The following CMC1 variants were observed in gnomAD, a reference collection of about 807,000 sequenced individuals.
The protein encoded by CMC1 is C-X9-C motif containing 1.
Under a neutral mutation model 14.1 loss-of-function variants are expected in CMC1, and 14 were observed. The observed-to-expected ratio is 0.99, with a 90% CI of 0.66 to 1.55. CMC1 has a LOEUF of 1.55. Among genes scored for constraint, CMC1 ranks in the 40% most tolerant of loss-of-function variants. The probability of loss-of-function intolerance (pLI) is 0.00; values close to 1 mark genes in which losing one functional copy is unlikely to be tolerated. For synonymous variants in CMC1, 50 were observed against 38.4 expected (o/e 1.30, Z -1.12); for missense variants, 127 against 123.8 (o/e 1.03, Z -0.12).
At chr3:28,264,953 G>A (rs1033446721) in intron 2 of CMC1, among the ~76,000 whole-genome samples, 31 of 152,036 alleles carry the variant, frequency 2.0e-4, no homozygotes, top group Admixed American at 2.0e-3. Flanking sequence ...GTATGACTTT[G>A]AGTTTTATTT....
intron 2 of CMC1, among the ~76,000 whole-genome samples, chr3:28,265,721 G>C (rs1463921044): frequency 6.6e-6 from 1 of 152,046 alleles, no homozygotes; most frequent in Non-Finnish European, 1.5e-5. Context: ...CATGGACAAA[G>C]AGAAATGAAA....
chr3:28,289,713 A>G (rs1388276129), intron 2 of CMC1, among the ~76,000 whole-genome samples: 2 of 152,104 alleles, frequency 1.3e-5, no homozygotes, highest in African/African-American at 4.8e-5. Flanking sequence ...ACTCTACTTC[A>G]GGCTTTCAGT....
intron 2 of CMC1, among the ~76,000 whole-genome samples, chr3:28,265,910 A>G (rs1354185551): frequency 2.6e-5 from 4 of 152,198 alleles, no homozygotes; most frequent in African/African-American, 9.7e-5. Flanking sequence ...GCTCACAGCT[A>G]TAGATTTGCA....
At chr3:28,258,040 A>C (rs888762827) in intron 1 of CMC1, among the ~76,000 whole-genome samples, 1 of 140,346 alleles carries the variant, frequency 7.1e-6, no homozygotes, top group African/African-American at 2.6e-5. Flanking sequence ...CAGTCTCTTG[A>C]TTAATGATTT....
At chr3:28,301,815 A>T (rs1702063254) in intron 2 of CMC1, among the ~76,000 whole-genome samples, 2 of 152,100 alleles carry the variant, frequency 1.3e-5, no homozygotes, top group South Asian at 4.1e-4. Flanking sequence ...AAAAAATATG[A>T]ATGTTATTTC....
intron 2 of CMC1, among the ~76,000 whole-genome samples, chr3:28,279,694 A>G (rs980913557): frequency 6.6e-5 from 10 of 152,186 alleles, no homozygotes; most frequent in African/African-American, 2.4e-4. Flanking sequence ...TAGAATGGAA[A>G]TGAATAGGAA....
chr3:28,285,271 G>A (rs1397096923), intron 2 of CMC1, among the ~76,000 whole-genome samples: 2 of 152,058 alleles, frequency 1.3e-5, no homozygotes, highest in African/African-American at 2.4e-5. Context: ...CTGCTGGGGA[G>A]GAAGGACTTG....
At chr3:28,307,153 G>A (rs1227056696) in intron 2 of CMC1, among the ~76,000 whole-genome samples, 1 of 152,114 alleles carries the variant, frequency 6.6e-6, no homozygotes, top group Non-Finnish European at 1.5e-5. Context: ...AAAGAGTACT[G>A]CGTTGCCCTG....
chr3:28,241,964 C>T (rs1394298577), intron 1 of CMC1, 152 bp downstream of exon 1: 4 of 708,786 alleles, frequency 5.6e-6, no homozygotes, highest in Non-Finnish European at 7.9e-6. Flanking sequence ...GCTGCTTCGC[C>T]CGGTCTGAGG....
chr3:28,321,860 TTTG>T lies in CMC1; in HGVS notation c.*2234_*2236del, dbSNP rs1412578220. 1 of 151,402 alleles carries T rather than the reference TTTG, an allele frequency of 6.6e-6. No homozygotes were observed. Among genetic ancestry groups the T allele is most frequent in the Non-Finnish European group, 1.5e-5 (1 of 67,544 alleles). 9.4% of individuals were successfully genotyped at this position (151,402 alleles called of 1,614,324 possible). ...AGCAAGAGGAAGGAATAGGTGGCTT[TTTG>T]TTATGTTTTCTTCATTCTGTCGATT... is the stretch of plus-strand genomic sequence containing the variant. On this transcript the variant is annotated 3_prime_UTR_variant, in exon 4 of 4. Transcript: ENST00000466830.
rs1703250049 is a variant in CMC1, at chr3:28,323,352, T to A, written c.*3723T>A. On this transcript the variant is annotated 3_prime_UTR_variant, in exon 4 of 4. Transcript: ENST00000466830. ...TACACCCCAGAGTTTTTCAACTATT[T>A]CATTTTTTTTTTTTTTTTTCCCAAT... The A allele has an allele frequency of 6.9e-6, 1 of 145,904 alleles. No individual in the cohort carries two copies. Among genetic ancestry groups the A allele is most frequent in the Non-Finnish European group, 1.5e-5 (1 of 65,208 alleles). 9.0% of individuals were successfully genotyped at this position (145,904 alleles called of 1,614,324 possible). A position where few individuals can be genotyped will look rare whatever the true frequency, so the allele number is the denominator to read the frequency against.
Position 28,299,250 on chromosome 3 carries a change from T to A in CMC1, c.110-17083T>A, listed in dbSNP as rs143374322. ...AATAGAAAATCTACTCGTGGCATAT[T>A]GAAGATGCATGCATTTTATTTTCTA... On this transcript the variant is annotated intron_variant, in intron 2 of 3. Coordinates refer to ENST00000466830, the MANE Select transcript of CMC1 (RefSeq NM_182523.2). Among the ~76,000 whole-genome samples, 373 of 152,250 alleles carry A rather than the reference T, an allele frequency of 2.4e-3. 8 individuals carry two copies. In the South Asian group the frequency reaches 0.042, roughly 17 times the overall value.
intron 2 of CMC1, among the ~76,000 whole-genome samples, chr3:28,274,220 C>CTTTTTTTTTTTTTTTTTT (rs544985268): frequency 8.9e-6 from 1 of 112,326 alleles, no homozygotes; most frequent in Admixed American, 1.1e-4. Flanking sequence ...TTGTTTTTTT[C>CTTTTTTTTTTTTTTTTTT]TTTTTTTTTT....
rs567900603 is a variant in CMC1 at position 28,272,828 on chromosome 3, G to A, written c.109+9448G>A. On this transcript the variant is annotated intron_variant, in intron 2 of 3. Coordinates refer to ENST00000466830, the MANE Select transcript of CMC1 (RefSeq NM_182523.2). ...GCCTCCCAAGTAGCTGGGATTACAG[G>A]TGCCCACCACCACGCCTGGCAAATT... Among the ~76,000 whole-genome samples the A allele has an allele frequency of 1.2e-4, 19 of 152,184 alleles. No individual in the cohort carries two copies. In the South Asian group the frequency reaches 3.7e-3, roughly 30 times the overall value.
rs1703300173 is a variant in CMC1, at chr3:28,324,353, G to A, written c.*4724G>A. The A allele has an allele frequency of 6.3e-7, 1 of 1,597,198 alleles. No homozygotes were observed. The highest frequency in any genetic ancestry group is 8.5e-7 in the Non-Finnish European group (1 of 1,170,956). ...GTATGACAAAGAGCTTTGCCATTTG[G>A]TAAGAGAGGGGGATGTCTTGTGTAT... On this transcript the variant is annotated 3_prime_UTR_variant, in exon 4 of 4. Coordinates refer to ENST00000466830, the MANE Select transcript of CMC1 (RefSeq NM_182523.2).
intron 2 of CMC1, among the ~76,000 whole-genome samples, chr3:28,272,606 G>T (rs1192047357): frequency 6.6e-6 from 1 of 152,126 alleles, no homozygotes; most frequent in African/African-American, 2.4e-5. Context: ...TTGATGTGCT[G>T]CTGGATTTGG....
chr3:28,280,249 G>C (rs1174477044), intron 2 of CMC1, among the ~76,000 whole-genome samples: 1 of 152,124 alleles, frequency 6.6e-6, no homozygotes, highest in Non-Finnish European at 1.5e-5. Context: ...CTACGTGGGA[G>C]TGGGACAAGT....
intron 1 of CMC1, among the ~76,000 whole-genome samples, chr3:28,244,009 A>C (rs1386324986): frequency 1.3e-5 from 2 of 152,206 alleles, no homozygotes; most frequent in African/African-American, 2.4e-5. Context: ...CAGGTAGCAA[A>C]TACTTAAAAT....
At chr3:28,255,688 G>A (rs932489900) in intron 1 of CMC1, among the ~76,000 whole-genome samples, 3 of 134,726 alleles carry the variant, frequency 2.2e-5, no homozygotes, top group Non-Finnish European at 3.3e-5. Context: ...TTTTTGAAAC[G>A]TTGTTAAAAA....
Sources: gnomAD v4.1 joint callset for allele counts (sites outside exome capture counted in the v4.1 genomes callset) on GRCh38, gnomAD v4.1.1 for gene constraint, MANE v1.5 for transcripts, NCBI Gene and HGNC (gene_info 2026-07-23, HGNC 2026-07-21) for gene names.